The following ZNG1F variants were observed in gnomAD, a reference collection of about 807,000 sequenced individuals.
The protein encoded by ZNG1F is Zn regulated GTPase metalloprotein activator 1F.
At chr9:41,164,913 T>C in the ZNG1F span, 1 of 1,270,404 alleles carries the variant, frequency 7.9e-7, no homozygotes, top group African/African-American at 1.5e-5. Context: ...CCTTATACCT[T>C]AAGTTTCTAC....
At chr9:41,132,060 T>C in the ZNG1F span, 1 of 1,496,800 alleles carries the variant, frequency 6.7e-7, no homozygotes, top group Non-Finnish European at 8.9e-7. Context: ...ACAAAAGTCC[T>C]AACAAGCTTT....
the ZNG1F span, among the ~76,000 whole-genome samples, chr9:41,173,918 G>T: frequency 4.1e-4 from 61 of 148,400 alleles, 2 homozygotes; most frequent in African/African-American, 1.3e-3. Context: ...CAACCATAAA[G>T]ATTTTACTAA....
At chr9:41,178,892 A>G in the ZNG1F span, among the ~76,000 whole-genome samples, 2 of 133,348 alleles carry the variant, frequency 1.5e-5, 1 homozygote, top group Admixed American at 1.7e-4. Flanking sequence ...TGGAGATGAA[A>G]TGGCCTCCTT....
chr9:41,164,724 G>A, the ZNG1F span: 19 of 226,432 alleles, frequency 8.4e-5, no homozygotes, highest in African/African-American at 4.5e-4. Flanking sequence ...ACTGACATTA[G>A]GAAAGAGTCA....
the ZNG1F span, chr9:41,159,056 C>T: frequency 6.7e-6 from 1 of 148,512 alleles, no homozygotes; most frequent in Non-Finnish European, 1.5e-5. Context: ...TTCCCTATGT[C>T]TAAAGGCTGC....
the ZNG1F span, among the ~76,000 whole-genome samples, chr9:41,144,566 C>T: frequency 6.9e-6 from 1 of 145,708 alleles, no homozygotes; most frequent in East Asian, 2.0e-4. Flanking sequence ...ATGCAAGTAG[C>T]TGTTATCTTG....
At chr9:41,204,854 C>A in the ZNG1F span, among the ~76,000 whole-genome samples, 1 of 133,034 alleles carries the variant, frequency 7.5e-6, no homozygotes, top group African/African-American at 2.7e-5. Flanking sequence ...TCCTACTCAA[C>A]TTTTTATTTT....
the ZNG1F span, chr9:41,132,110 C>T: frequency 1.3e-6 from 2 of 1,549,756 alleles, no homozygotes; most frequent in African/African-American, 1.4e-5. Flanking sequence ...ACATTGACCA[C>T]AAGCTTATTT....
chr9:41,146,164 A>G, the ZNG1F span, among the ~76,000 whole-genome samples: 1 of 146,090 alleles, frequency 6.8e-6, no homozygotes, highest in Non-Finnish European at 1.5e-5. Flanking sequence ...CTGGTTGCTC[A>G]GGAAAAGATT....
At chr9:41,144,565 GC>G in the ZNG1F span, among the ~76,000 whole-genome samples, 448 of 146,544 alleles carry the variant, frequency 3.1e-3, 15 homozygotes, top group African/African-American at 0.011. Flanking sequence ...AATGCAAGTA[GC>G]TGTTATCTTG....
At chr9:41,158,237 C>T in the ZNG1F span, 1 of 85,460 alleles carries the variant, frequency 1.2e-5, no homozygotes, top group Non-Finnish European at 2.5e-5. Context: ...TCGCTTGAAC[C>T]CAGGAGGCAG....
chr9:41,132,547 A>G, the ZNG1F span: 1 of 1,390,738 alleles, frequency 7.2e-7, no homozygotes, highest in Non-Finnish European at 9.3e-7. Context: ...TAATTTTCAA[A>G]AAAGGTTTCT....
At chr9:41,199,214 C>G in the ZNG1F span, 2 of 57,536 alleles carry the variant, frequency 3.5e-5, no homozygotes, top group African/African-American at 7.4e-5. Context: ...TCCAAAGTCT[C>G]ATCTGAGACA....
At chr9:41,183,923 C>A in the ZNG1F span, among the ~76,000 whole-genome samples, 13,040 of 146,752 alleles carry the variant, frequency 0.089, 589 homozygotes, top group East Asian at 0.16. Flanking sequence ...CCTCCTTAGG[C>A]CTCTTACTTG....
At chr9:41,201,228 A>G in the ZNG1F span, among the ~76,000 whole-genome samples, 2 of 147,390 alleles carry the variant, frequency 1.4e-5, no homozygotes, top group East Asian at 2.1e-4. Flanking sequence ...GTGCATGGGC[A>G]TATATTAATA....
chr9:41,149,673 A>G, the ZNG1F span, among the ~76,000 whole-genome samples: 2 of 150,782 alleles, frequency 1.3e-5, no homozygotes, highest in Admixed American at 1.3e-4. Flanking sequence ...GGGGCTATGA[A>G]GACAGGGAAA....
the ZNG1F span, among the ~76,000 whole-genome samples, chr9:41,185,598 G>T: frequency 4.0e-5 from 6 of 149,816 alleles, no homozygotes; most frequent in Non-Finnish European, 7.4e-5. Flanking sequence ...ACTTTAACCC[G>T]GGAGACAGAG....
the ZNG1F span, among the ~76,000 whole-genome samples, chr9:41,204,388 T>TTTTATA: frequency 4.9e-5 from 1 of 20,226 alleles, no homozygotes; most frequent in Non-Finnish European, 1.2e-4. Context: ...AATTTTTATT[T>TTTTATA]TATATATATA....
the ZNG1F span, chr9:41,132,516 C>T: frequency 7.2e-7 from 1 of 1,382,764 alleles, no homozygotes; most frequent in South Asian, 1.6e-5. Context: ...TTGTGAATTA[C>T]AAGAAGTTTC....
Sources: gnomAD v4.1 joint callset for allele counts (sites outside exome capture counted in the v4.1 genomes callset) on GRCh38, gnomAD v4.1.1 for gene constraint, MANE v1.5 for transcripts, NCBI Gene and HGNC (gene_info 2026-07-23, HGNC 2026-07-21) for gene names.